Variants in MYH3 observed in about 807,000 individuals in gnomAD.
The protein encoded by MYH3 is myosin-3.
A neutral mutation model predicts 238.0 loss-of-function variants in MYH3; 130 were observed. That is an observed-to-expected ratio of 0.55 (90% confidence interval 0.47 to 0.63). The LOEUF (loss-of-function observed/expected upper bound fraction) is 0.63. Ranked by LOEUF, MYH3 falls within the 30% of genes least tolerant of loss-of-function variation. The pLI is 0.00. For missense variants in MYH3, 1,853 were observed against 2,374.9 expected (o/e 0.78, Z 4.57); for synonymous variants, 880 against 924.1 (o/e 0.95, Z 0.86).
intron 22 of MYH3, 59 bp downstream of exon 22, chr17:10,639,937 T>G (rs2074252930): frequency 6.3e-7 from 1 of 1,591,578 alleles, no homozygotes; most frequent in Admixed American, 1.8e-5. Flanking sequence ...TCAATTTTTC[T>G]AAATAAATAA....
intron 34 of MYH3, 27 bp downstream of exon 34, chr17:10,632,449 G>A: frequency 6.2e-7 from 1 of 1,608,052 alleles, no homozygotes; most frequent in East Asian, 2.2e-5. Flanking sequence ...GAGGAGAGAG[G>A]TTTTTCCCCG....
In MYH3 at chr17:10,654,068, G is replaced by C. The variant is rs577131921; in HGVS notation, c.204+793C>G. Among the ~76,000 whole-genome samples the C allele has an allele frequency of 6.6e-6, 1 of 152,070 alleles. No individual in the cohort carries two copies. Among genetic ancestry groups the C allele is most frequent in the African/African-American group, 2.4e-5 (1 of 41,416 alleles). On this transcript the variant is annotated intron_variant, in intron 3 of 40. Coordinates refer to ENST00000583535, the MANE Select transcript of MYH3 (RefSeq NM_002470.4). This position sits in a 1 kb window ranked among gnomAD's most constrained non-coding sequence, Gnocchi z 4.5. ...CACCTCCCGGGTTCACGTGCAGGGC[G>C]GTTTTTAATGCCTTTTTTCCTTCAT...
At chr17:10,631,527 G>C (rs1241924307) in intron 36 of MYH3, 84 bp downstream of exon 36, 2 of 1,596,610 alleles carry the variant, frequency 1.3e-6, no homozygotes, top group Non-Finnish European at 1.7e-6. Flanking sequence ...GTGGCTGGGG[G>C]AGACCGCACC....
intron 3 of MYH3, among the ~76,000 whole-genome samples, chr17:10,653,808 A>T (rs932565361): frequency 6.6e-6 from 1 of 152,170 alleles, no homozygotes; most frequent in Non-Finnish European, 1.5e-5. Context: ...CTGGCTGTCT[A>T]TGATGGTCTC....
upstream of MYH3, among the ~76,000 whole-genome samples, chr17:10,662,008 C>T (rs1254333876): frequency 3.6e-5 from 5 of 140,466 alleles, no homozygotes. Context: ...CCTTCCCCAG[C>T]TTTCTTTCTT....
intron 22 of MYH3, 47 bp downstream of exon 22, chr17:10,639,949 C>A: frequency 6.3e-7 from 1 of 1,588,100 alleles, no homozygotes; most frequent in South Asian, 1.2e-5. Flanking sequence ...AATAAATAAT[C>A]AAATCTAGAA....
At chr17:10,634,541 A>C (rs769463509) in intron 31 of MYH3, among the ~76,000 whole-genome samples, 2 of 152,250 alleles carry the variant, frequency 1.3e-5, no homozygotes, top group African/African-American at 2.4e-5. Flanking sequence ...AAAGCCTCCC[A>C]ATAGGATCTC....
At chr17:10,669,488 A>T in the MYH3 span, among the ~76,000 whole-genome samples, 1 of 150,414 alleles carries the variant, frequency 6.6e-6, no homozygotes, top group African/African-American at 2.5e-5. Flanking sequence ...AATCGCTTGA[A>T]CCTGGGAGAT....
chr17:10,661,995 G>C (rs1260115514), upstream of MYH3, among the ~76,000 whole-genome samples: 1 of 151,724 alleles, frequency 6.6e-6, no homozygotes, highest in Non-Finnish European at 1.5e-5. Flanking sequence ...ACTATATTAT[G>C]CACCTTCCCC....
chr17:10,652,491 T>C lies in MYH3; in HGVS notation c.277A>G (p.Met93Val), dbSNP rs1170922876. 1.9e-6 allele frequency: 3 copies of C among 1,614,062 alleles called. No homozygotes were observed. Among genetic ancestry groups the C allele is most frequent in the Non-Finnish European group, 2.5e-6 (3 of 1,180,012 alleles). Residue 93 changes from methionine (M) to valine (V), a missense_variant, in exon 4 of 41, where the codon ATG (methionine) becomes GTG (valine). By Grantham distance (21) the Met-to-Val change is conservative. Coordinates refer to ENST00000583535, the MANE Select transcript of MYH3 (RefSeq NM_002470.4). Reference sequence around the variant, plus strand: ...GCTGGCTCATTCAGGTGCGTCAGCATGGCCATGTCTTCGATCCTGTCGAAC... The same window carrying C: ...GCTGGCTCATTCAGGTGCGTCAGCACGGCCATGTCTTCGATCCTGTCGAAC... ...PKFDRIEDMA[M>V]LTHLNEPAVL...
chr17:10,639,350 T>C lies in MYH3; in HGVS notation c.3050A>G (p.Lys1017Arg). The change falls in exon 24 of 41, where the codon AAA (lysine) becomes AGA (arginine). Residue 1017 changes from lysine to arginine, a missense_variant. Lys to Arg is a conservative substitution (Grantham distance 26). Around this residue, in one of 3 missense-constraint regions of MYH3, gnomAD observed 1,044 missense variants for 1,192.6 expected, o/e 0.88. Transcript: ENST00000583535. ...ALDDLQAEED[K>R]VNSLNKTKSK... ...CTTGGTTTTGTTCAAAGAATTGACT[T>C]TGTCTTCTTCAGCTTGGAGGTCATC... The C allele has an allele frequency of 1.2e-6, 2 of 1,614,196 alleles. No individual in the cohort carries two copies. The highest frequency in any genetic ancestry group is 1.7e-6 in the Non-Finnish European group (2 of 1,180,042).
chr17:10,647,041 C>A, intron 10 of MYH3, 141 bp downstream of exon 10: 2 of 712,076 alleles, frequency 2.8e-6, no homozygotes, highest in Non-Finnish European at 2.4e-6. Flanking sequence ...CAGAGTGAGA[C>A]CCTATCTCAA....
rs748302259 is a variant in MYH3, at chr17:10,631,960, C to A, written c.5013G>T (p.Gln1671His). ...ALRGQEDLKE[Q>H]LAIVERRANL... ...TGGCTCTGCGCTCCACAATCGCCAG[C>A]TGCTCCTTCAGGTCCTCCTGGCCCC... Residue 1671 changes from glutamine to histidine, a missense_variant, in exon 35 of 41, where the codon CAG (glutamine) becomes CAT (histidine). Gln to His is a conservative substitution (Grantham distance 24, BLOSUM62 0). Around this residue, in one of 3 missense-constraint regions of MYH3, gnomAD observed 1,044 missense variants for 1,192.6 expected, o/e 0.88. Transcript: ENST00000583535. The A allele has an allele frequency of 1.2e-6, 2 of 1,614,076 alleles. No individual in the cohort carries two copies. The highest frequency in any genetic ancestry group is 1.7e-6 in the Non-Finnish European group (2 of 1,180,048).
At position 10,641,084 on chromosome 17, in the gene MYH3, C is replaced by A; in HGVS notation, c.2165+1G>T. On this transcript the variant is annotated splice_donor_variant, in intron 19 of 40. Transcript: ENST00000583535. LOFTEE classifies it high-confidence loss of function. Reference sequence around the variant, plus strand: ...GCATATAGAACATGTTTATTACACACCTTTGTTTAAAATCGCCATAGAGAA... The same window carrying A: ...GCATATAGAACATGTTTATTACACAACTTTGTTTAAAATCGCCATAGAGAA... 6.3e-7 allele frequency: 1 copy of A among 1,586,608 alleles called. No individual in the cohort carries two copies. Among genetic ancestry groups the A allele is most frequent in the African/African-American group, 1.3e-5 (1 of 74,618 alleles).
Position 10,652,579 on chromosome 17 carries a change from C to A in MYH3, c.205-16G>T. The stretch of plus-strand genomic sequence containing the variant: ...CCACCAGGGTCTAAAAAGGAAGAGG[C>A]ACAGTGCTTCACTAAGATGGTCTGC... On this transcript the variant is annotated splice_polypyrimidine_tract_variant and intron_variant, in intron 3 of 40. Transcript: ENST00000583535. 1.4e-6 allele frequency: 2 copies of A among 1,477,194 alleles called. No individual in the cohort carries two copies. The highest frequency in any genetic ancestry group is 1.9e-6 in the Non-Finnish European group (2 of 1,073,628). 91.5% of individuals were successfully genotyped at this position (1,477,194 alleles called of 1,614,324 possible). A position where few individuals can be genotyped will look rare whatever the true frequency, so the allele number is the denominator to read the frequency against.
chr17:10,651,466 T>C, intron 5 of MYH3, 46 bp downstream of exon 5: 1 of 1,611,956 alleles, frequency 6.2e-7, no homozygotes, highest in East Asian at 2.2e-5. Context: ...GCTCGCCTCA[T>C]GCAGTGCCTG....
chr17:10,640,961 A>T, intron 19 of MYH3, 124 bp downstream of exon 19: 1 of 922,324 alleles, frequency 1.1e-6, no homozygotes, highest in South Asian at 1.3e-5. Flanking sequence ...TAGATTGTTC[A>T]GTTTACATGG....
rs763773847 is a variant in MYH3 at position 10,647,430 on chromosome 17, T to C, written c.736-4A>G. 4 of 1,614,148 alleles carry C rather than the reference T, an allele frequency of 2.5e-6. No individual in the cohort carries two copies. In the South Asian group the frequency reaches 4.4e-5, roughly 18 times the overall value. The stretch of plus-strand genomic sequence containing the variant: ...AATGGATTCGGATGAACTTGCCCTG[T>C]ATGGGGCGGGATTCAGGGGGAGACC... On this transcript the variant is annotated splice_region_variant and splice_polypyrimidine_tract_variant and intron_variant, in intron 8 of 40. Coordinates refer to ENST00000583535, the MANE Select transcript of MYH3 (RefSeq NM_002470.4).
chr17:10,639,981 T>C lies in MYH3; in HGVS notation c.2682+15A>G. 1 of 1,605,490 alleles carries C rather than the reference T, an allele frequency of 6.2e-7. No individual in the cohort carries two copies. The highest frequency in any genetic ancestry group is 8.5e-7 in the Non-Finnish European group (1 of 1,177,130). Reference sequence around the variant, plus strand: ...AGAAGAGTTAAAAAAAAAAAAAAGATTGCTAAACACGTACAGCTTGTACTT... The same window carrying C: ...AGAAGAGTTAAAAAAAAAAAAAAGACTGCTAAACACGTACAGCTTGTACTT... On this transcript the variant is annotated intron_variant, in intron 22 of 40. Coordinates refer to ENST00000583535, the MANE Select transcript of MYH3 (RefSeq NM_002470.4).
Sources: gnomAD v4.1 joint callset for allele counts (sites outside exome capture counted in the v4.1 genomes callset) on GRCh38, gnomAD v4.1.1 for gene constraint, gnomAD v4.1.1 regional missense constraint, Gnocchi (gnomAD v3.1) non-coding constraint, MANE v1.5 for transcripts, NCBI Gene and HGNC (gene_info 2026-07-23, HGNC 2026-07-21) for gene names.